Variants in CELF2 observed in about 807,000 individuals in gnomAD.
CELF2 encodes CUG triplet repeat RNA-binding protein 2.
CELF2 carries 8 observed loss-of-function variants against 62.6 expected under a neutral mutation model. That is an observed-to-expected ratio of 0.13 (90% confidence interval 0.07 to 0.23). CELF2 has a LOEUF of 0.23. CELF2 is among the 10% of genes least tolerant of loss of function. The pLI is 1.00. For synonymous variants in CELF2, 258 were observed against 250.0 expected (o/e 1.03, Z -0.30); for missense variants, 333 against 671.0 (o/e 0.50, Z 5.56).
chr10:10,604,938 C>T, the CELF2 span, among the ~76,000 whole-genome samples: 6 of 152,068 alleles, frequency 3.9e-5, no homozygotes, highest in Non-Finnish European at 5.9e-5. Context: ...CCCAAAGGAA[C>T]GTGAATCATT....
In CELF2 at chr10:11,110,248, T is replaced by C. The variant is rs907824728; in HGVS notation, c.75-55238T>C. Reference sequence around the variant, plus strand: ...CTGAACGTCCTACCGCACTCCAGCATGGGCGACAGAGCAAGACCATGTCTT... The same window carrying C: ...CTGAACGTCCTACCGCACTCCAGCACGGGCGACAGAGCAAGACCATGTCTT... On this transcript the variant is annotated intron_variant, in intron 1 of 12. Coordinates refer to ENST00000633077, the MANE Select transcript of CELF2 (RefSeq NM_001326342.2). The surrounding 1 kb of genome is among the most constrained non-coding windows in gnomAD (Gnocchi z 4.0). Among the ~76,000 whole-genome samples the C allele has an allele frequency of 6.6e-6, 1 of 152,030 alleles. No individual in the cohort carries two copies. Among genetic ancestry groups the C allele is most frequent in the African/African-American group, 2.4e-5 (1 of 41,388 alleles).
At chr10:11,233,014 C>G (rs2069414500) in intron 3 of CELF2, among the ~76,000 whole-genome samples, 1 of 152,060 alleles carries the variant, frequency 6.6e-6, no homozygotes, top group South Asian at 2.1e-4. Flanking sequence ...ACATGGCACA[C>G]TCTGTAAGTT....
At chr10:10,838,125 G>T (rs1037967539) in intron 1 of CELF2, among the ~76,000 whole-genome samples, 1 of 152,086 alleles carries the variant, frequency 6.6e-6, no homozygotes, top group African/African-American at 2.4e-5. Context: ...GACCTCCCTT[G>T]GTTTTGATGA....
At position 11,247,773 on chromosome 10, in the gene CELF2, C is replaced by A. The variant is rs575105572; in HGVS notation, c.355-1380C>A. ...GAGGATCGCTTGCTCAAAGACTCTG[C>A]CCATCTCCCCCAGGCATGTTGCTGG... On this transcript the variant is annotated intron_variant, in intron 3 of 12. Coordinates refer to ENST00000633077, the MANE Select transcript of CELF2 (RefSeq NM_001326342.2). This position sits in a 1 kb window ranked among gnomAD's most constrained non-coding sequence, Gnocchi z 5.4. Among the ~76,000 whole-genome samples, 1 of 152,186 alleles carries A rather than the reference C, an allele frequency of 6.6e-6. No homozygotes were observed. The highest frequency in any genetic ancestry group is 2.4e-5 in the African/African-American group (1 of 41,444).
the CELF2 span, among the ~76,000 whole-genome samples, chr10:10,567,760 G>A: frequency 1.2e-3 from 185 of 152,266 alleles, 1 homozygote; most frequent in Admixed American, 2.2e-3. Flanking sequence ...GGGTGATGTG[G>A]CCCCCTTGAG....
chr10:11,065,845 C>T (rs2067992740), intron 1 of CELF2, among the ~76,000 whole-genome samples: 2 of 152,012 alleles, frequency 1.3e-5, no homozygotes, highest in Non-Finnish European at 2.9e-5. Context: ...TTGGAGGGCC[C>T]GGGGAGGGTT....
the CELF2 span, among the ~76,000 whole-genome samples, chr10:10,655,263 G>T: frequency 3.6e-5 from 5 of 140,494 alleles, 1 homozygote; most frequent in African/African-American, 1.3e-4. Flanking sequence ...ATGGGGGTAG[G>T]AAGAATCAAT....
chr10:11,257,516 G>A (rs1249856144), intron 4 of CELF2: 2 of 502,258 alleles, frequency 4.0e-6, no homozygotes, highest in Non-Finnish European at 3.6e-6. Flanking sequence ...TTATTAGTAA[G>A]CACAAGCACA....
chr10:10,917,168 T>C (rs2064421447), intron 1 of CELF2, among the ~76,000 whole-genome samples: 1 of 152,164 alleles, frequency 6.6e-6, no homozygotes, highest in Non-Finnish European at 1.5e-5. Flanking sequence ...CACAGTATAC[T>C]CTTGGTAAGC....
intron 1 of CELF2, among the ~76,000 whole-genome samples, chr10:10,808,733 A>G (rs2055511659): frequency 6.6e-6 from 1 of 152,232 alleles, no homozygotes; most frequent in African/African-American, 2.4e-5. Flanking sequence ...TAAAGACAAC[A>G]TGAAACACAG....
intron 1 of CELF2, among the ~76,000 whole-genome samples, chr10:10,889,355 T>C (rs2061977600): frequency 6.6e-6 from 1 of 152,234 alleles, no homozygotes; most frequent in Admixed American, 6.5e-5. Flanking sequence ...CTCTGAGGTT[T>C]TTCTTTTCTA....
At chr10:10,772,135 C>A in the CELF2 span, among the ~76,000 whole-genome samples, 2 of 151,952 alleles carry the variant, frequency 1.3e-5, no homozygotes, top group African/African-American at 2.4e-5. Context: ...GTAAAATGTA[C>A]CTTACCGGAA....
chr10:10,575,795 A>C, the CELF2 span, among the ~76,000 whole-genome samples: 2 of 152,324 alleles, frequency 1.3e-5, no homozygotes, highest in East Asian at 3.9e-4. Flanking sequence ...ATTAGGGGAA[A>C]AATGGAAATT....
At chr10:10,512,872 C>T in the CELF2 span, among the ~76,000 whole-genome samples, 2 of 152,106 alleles carry the variant, frequency 1.3e-5, no homozygotes, top group Non-Finnish European at 2.9e-5. Context: ...AGTGGGTGGT[C>T]AAATCAATAC....
chr10:10,949,777 G>T (rs956184010), intron 2 of CELF2, among the ~76,000 whole-genome samples: 6 of 143,458 alleles, frequency 4.2e-5, no homozygotes, highest in African/African-American at 1.6e-4. Context: ...CTGCAACCTG[G>T]TTAACAGAGT....
rs185506948 is a variant in CELF2 at position 11,242,926 on chromosome 10, G to A, written c.355-6227G>A. On this transcript the variant is annotated intron_variant, in intron 3 of 12. Transcript: ENST00000633077. The surrounding 1 kb of genome is among the most constrained non-coding windows in gnomAD (Gnocchi z 4.8). ...TGGCTCCTACCAGGGCGACAGGGAC[G>A]GAGGCGCCGGTGGCAACTGGTGCTG... Among the ~76,000 whole-genome samples the A allele has an allele frequency of 2.0e-5, 3 of 152,306 alleles. No individual in the cohort carries two copies. The highest frequency in any genetic ancestry group is 2.9e-5 in the Non-Finnish European group (2 of 68,028).
the CELF2 span, among the ~76,000 whole-genome samples, chr10:10,631,509 C>T: frequency 5.3e-5 from 8 of 152,300 alleles, no homozygotes; most frequent in South Asian, 1.7e-3. Context: ...CCCACCACCA[C>T]CCATTCTGTT....
the CELF2 span, among the ~76,000 whole-genome samples, chr10:10,728,999 C>T: frequency 6.6e-6 from 1 of 152,092 alleles, no homozygotes; most frequent in Non-Finnish European, 1.5e-5. Flanking sequence ...AACATGTCGA[C>T]AAATTAGACA....
chr10:11,024,386 C>T (rs1224048831), intron 1 of CELF2, among the ~76,000 whole-genome samples: 1 of 152,144 alleles, frequency 6.6e-6, no homozygotes, highest in Non-Finnish European at 1.5e-5. Context: ...AGGCGAATCA[C>T]CTTCAGGAGT....
Sources: gnomAD v4.1 joint callset for allele counts (sites outside exome capture counted in the v4.1 genomes callset) on GRCh38, gnomAD v4.1.1 for gene constraint, Gnocchi (gnomAD v3.1) non-coding constraint, MANE v1.5 for transcripts, NCBI Gene and HGNC (gene_info 2026-07-23, HGNC 2026-07-21) for gene names.